SSTR3: variants seen among roughly 807,000 people sequenced by gnomAD.
The protein encoded by SSTR3 is somatostatin receptor type 3.
For missense variants in SSTR3, 504 were observed against 604.7 expected (o/e 0.83, Z 1.75); for synonymous variants, 281 against 269.2 (o/e 1.04, Z -0.43).
chr22:37,205,169 A>T lies in SSTR3; in HGVS notation c.*1378T>A, dbSNP rs1925647896. ...CCCAATGTCCCTGGTAGCCAGCTCC[A>T]CCCTAGGGCTTTATTAAGGCCTGAG... is the stretch of plus-strand genomic sequence containing the variant. On this transcript the variant is annotated 3_prime_UTR_variant, in exon 2 of 2. Coordinates refer to ENST00000610913, the MANE Select transcript of SSTR3 (RefSeq NM_001051.5). 1 of 152,036 alleles carries T rather than the reference A, an allele frequency of 6.6e-6. No homozygotes were observed. The highest frequency in any genetic ancestry group is 2.1e-4 in the South Asian group (1 of 4,816). 9.4% of individuals were successfully genotyped at this position (152,036 alleles called of 1,614,324 possible). A position where few individuals can be genotyped will look rare whatever the true frequency, so the allele number is the denominator to read the frequency against.
Position 37,212,261 on chromosome 22 carries a change from G to C in SSTR3, c.-473C>G. The C allele has an allele frequency of 1.1e-5, 5 of 466,838 alleles. No homozygotes were observed. Among genetic ancestry groups the C allele is most frequent in the Non-Finnish European group, 1.1e-5 (4 of 356,446 alleles). The allele number at this position is 466,838 out of a possible 1,614,324, so 28.9% of individuals were successfully genotyped here. On this transcript the variant is annotated 5_prime_UTR_variant, in exon 1 of 2. Transcript: ENST00000610913. ...GGAGAGAGAGAGAGGGAGAGGGAGA[G>C]GAGACCGTGAGTAGGAGGAAAGGCA... is the stretch of plus-strand genomic sequence containing the variant.
chr22:37,209,080 A>G (rs1338101935), intron 1 of SSTR3, among the ~76,000 whole-genome samples: 1 of 152,178 alleles, frequency 6.6e-6, no homozygotes, highest in Non-Finnish European at 1.5e-5. Context: ...CCCTGCAGAA[A>G]ACCCTGAAGG....
At chr22:37,212,531 G>A (rs2145808759), upstream of SSTR3, among the ~76,000 whole-genome samples, 1 of 151,514 alleles carries the variant, frequency 6.6e-6, no homozygotes, top group South Asian at 2.1e-4. Flanking sequence ...GGGGCGGGGT[G>A]CAGGTTAAGG....
At chr22:37,217,345 C>A (rs540670566), upstream of SSTR3, among the ~76,000 whole-genome samples, 45 of 152,246 alleles carry the variant, frequency 3.0e-4, no homozygotes, top group South Asian at 1.2e-3. Context: ...ATTCTGGAAT[C>A]TTCTAGGATC....
upstream of SSTR3, among the ~76,000 whole-genome samples, chr22:37,215,428 C>T (rs896198671): frequency 5.9e-5 from 9 of 152,130 alleles, no homozygotes; most frequent in African/African-American, 1.9e-4. Flanking sequence ...CGCTGTTGCC[C>T]GGACTGGAAT....
rs1459907072 is a variant in SSTR3, at chr22:37,206,806, C to A, written c.998G>T (p.Arg333Leu). Reference sequence around the variant, plus strand: ...AGTGGGCTCCTGGCTGCGCACACGGCGGGAGGGCCGCAGCAGGACCCTGCG... The same window carrying A: ...AGTGGGCTCCTGGCTGCGCACACGGAGGGAGGGCCGCAGCAGGACCCTGCG... ...GFRRVLLRPS[R>L]RVRSQEPTVG... is the part of the protein sequence containing the mutation. Residue 333 changes from arginine to leucine, a missense_variant, in exon 2 of 2, where the codon CGC (arginine) becomes CTC (leucine). Transcript: ENST00000610913. The A allele has an allele frequency of 6.2e-7, 1 of 1,612,182 alleles. No homozygotes were observed. Among genetic ancestry groups the A allele is most frequent in the Admixed American group, 1.7e-5 (1 of 60,024 alleles).
At position 37,207,543 on chromosome 22, in the gene SSTR3, C is replaced by A. The variant is rs760912884; in HGVS notation, c.261G>T (p.Ala87=). 35 of 1,613,542 alleles carry A rather than the reference C, an allele frequency of 2.2e-5. 1 individual carries two copies. In the Admixed American group the frequency reaches 5.7e-4, roughly 26 times the overall value. The change falls in exon 2 of 2, where the codon GCG becomes GCT. Residue 87 remains alanine, a synonymous_variant. Coordinates refer to ENST00000610913, the MANE Select transcript of SSTR3 (RefSeq NM_001051.5). ...SVTNVYILNL[A]LADELFMLGL... is the part of the protein sequence containing the mutation. ...CCAGCATGAAGAGCTCGTCGGCCAG[C>A]GCCAGGTTGAGGATGTAGACGTTGG...
intron 1 of SSTR3, 54 bp from the exon 2 acceptor site, chr22:37,207,893 GC>G (rs1300645875): frequency 1.4e-6 from 2 of 1,393,620 alleles, no homozygotes; most frequent in Admixed American, 3.3e-5. Flanking sequence ...TCTCTGTGCT[GC>G]CCCCTCCCAT....
chr22:37,208,102 G>A (rs1249623927), intron 1 of SSTR3, among the ~76,000 whole-genome samples: 1 of 152,210 alleles, frequency 6.6e-6, no homozygotes, highest in Non-Finnish European at 1.5e-5. Flanking sequence ...TGGAGTGAGG[G>A]TGTGGTGTGT....
At chr22:37,218,067 T>C in the SSTR3 span, among the ~76,000 whole-genome samples, 2 of 152,234 alleles carry the variant, frequency 1.3e-5, no homozygotes, top group African/African-American at 4.8e-5. Context: ...TGGATATATG[T>C]TTCCTTATCT....
intron 1 of SSTR3, among the ~76,000 whole-genome samples, chr22:37,208,396 G>A (rs1462494060): frequency 6.6e-6 from 1 of 152,218 alleles, no homozygotes; most frequent in Admixed American, 6.5e-5. Context: ...CAGGCTTGGG[G>A]TGTCCCCTCC....
chr22:37,211,613 T>A (rs1341741928), intron 1 of SSTR3, among the ~76,000 whole-genome samples: 1 of 152,126 alleles, frequency 6.6e-6, no homozygotes, highest in East Asian at 1.9e-4. Context: ...ATTCTGTGAT[T>A]CCGAGATCCT....
chr22:37,207,346 C>CG lies in SSTR3; in HGVS notation c.457dup (p.Arg153ProfsTer197). 1 of 1,604,330 alleles carries CG rather than the reference C, an allele frequency of 6.2e-7. No homozygotes were observed. The highest frequency in any genetic ancestry group is 8.5e-7 in the Non-Finnish European group (1 of 1,174,992). The stretch of plus-strand genomic sequence containing the variant: ...GCGGGCCACCGGAGCTGTGCGCCAG[C>CG]GGGCCGAGCGGGTGGGATGTACCAC... On this transcript the variant is annotated frameshift_variant, in exon 2 of 2. Transcript: ENST00000610913. LOFTEE classifies it low-confidence loss of function (END_TRUNC).
In SSTR3 at chr22:37,207,079, GC is replaced by G; in HGVS notation, c.724del (p.Ala242HisfsTer129). Reference sequence around the variant, plus strand: ...GCGCCGCCGCCGCTGGCACGAGGGTGCCCACACCCGGCGCCCAGCTGAGCGC... The same window carrying G: ...GCGCCGCCGCCGCTGGCACGAGGGTGCCACACCCGGCGCCCAGCTGAGCGC... The part of the protein sequence containing the change: ...KVRSAGRRVW[A>X]PSCQRRRRSE... On this transcript the variant is annotated frameshift_variant, in exon 2 of 2. Coordinates refer to ENST00000610913, the MANE Select transcript of SSTR3 (RefSeq NM_001051.5). LOFTEE classifies it low-confidence loss of function (END_TRUNC). 6.2e-7 allele frequency: 1 copy of G among 1,612,220 alleles called. No individual in the cohort carries two copies. Among genetic ancestry groups the G allele is most frequent in the East Asian group, 2.2e-5 (1 of 44,858 alleles).
chr22:37,211,098 A>G (rs1926160328), intron 1 of SSTR3: 1 of 423,844 alleles, frequency 2.4e-6, no homozygotes, highest in Non-Finnish European at 3.2e-6. Flanking sequence ...ACCCAGTTCT[A>G]TCTACTTCTA....
chr22:37,213,529 C>T (rs181293680), upstream of SSTR3, among the ~76,000 whole-genome samples: 13 of 152,258 alleles, frequency 8.5e-5, no homozygotes, highest in East Asian at 1.9e-4. Context: ...ACCATGCATG[C>T]GGCAGCACAC....
chr22:37,210,789 G>A, intron 1 of SSTR3: 1 of 985,516 alleles, frequency 1.0e-6, no homozygotes, highest in Non-Finnish European at 1.2e-6. Context: ...TTCTCCATTT[G>A]CCCATCTCCC....
intron 1 of SSTR3, among the ~76,000 whole-genome samples, chr22:37,208,528 C>A (rs6000607): frequency 0.15 from 23,432 of 152,236 alleles, 2,026 homozygotes; most frequent in African/African-American, 0.23. Context: ...GGCCCCTTCT[C>A]CCCAGAGGCC....
At position 37,204,327 on chromosome 22, in the gene SSTR3, A is replaced by G. The variant is rs1389395128; in HGVS notation, c.*2220T>C. 1 of 152,146 alleles carries G rather than the reference A, an allele frequency of 6.6e-6. No individual in the cohort carries two copies. Among genetic ancestry groups the G allele is most frequent in the Non-Finnish European group, 1.5e-5 (1 of 68,062 alleles). The allele number at this position is 152,146 out of a possible 1,614,324, so 9.4% of individuals were successfully genotyped here. ...CTCCCAGGGACCATTCTAGGACATTACTCTCCTGTCCTAGGCAGCAAGAAG... is the reference window on the plus strand; with the variant it reads ...CTCCCAGGGACCATTCTAGGACATTGCTCTCCTGTCCTAGGCAGCAAGAAG... On this transcript the variant is annotated 3_prime_UTR_variant, in exon 2 of 2. Coordinates refer to ENST00000610913, the MANE Select transcript of SSTR3 (RefSeq NM_001051.5).
Sources: allele counts gnomAD v4.1 joint callset (sites outside exome capture counted in the v4.1 genomes callset), GRCh38; gene constraint gnomAD v4.1.1; transcripts MANE v1.5; gene names NCBI Gene and HGNC (gene_info 2026-07-23, HGNC 2026-07-21).